Variants in ADAM12 observed in about 807,000 individuals in gnomAD.
ADAM12 encodes ADAM metallopeptidase domain 12.
ADAM12 carries 70 observed loss-of-function variants against 106.4 expected under a neutral mutation model. That is an observed-to-expected ratio of 0.66 (90% confidence interval 0.54 to 0.80). The LOEUF (loss-of-function observed/expected upper bound fraction) is 0.80, where lower values mean the gene tolerates loss of function less well. ADAM12 is among the 30% of genes least tolerant of loss of function. ADAM12 has a pLI of 0.00. For missense variants in ADAM12, 1,010 were observed against 1,171.9 expected, an observed-to-expected ratio of 0.86 and a Z score of 2.02; for synonymous variants, 420 against 433.5, an observed-to-expected ratio of 0.97 and a Z score of 0.39.
chr10:126,047,429 G>A (rs977709031), intron 16 of ADAM12, among the ~76,000 whole-genome samples: 1 of 152,120 alleles, frequency 6.6e-6, no homozygotes, highest in Non-Finnish European at 1.5e-5. Context: ...GAACACAGCA[G>A]GACCCTCATG....
At chr10:126,245,521 C>G (rs539774268) in intron 3 of ADAM12, among the ~76,000 whole-genome samples, 1 of 152,096 alleles carries the variant, frequency 6.6e-6, no homozygotes, top group East Asian at 1.9e-4. Flanking sequence ...GGCAGGAGGT[C>G]GGGGCTAGAG....
At chr10:126,051,496 T>TCCATCCGTCCAGCCAG (rs1954485717) in intron 14 of ADAM12, among the ~76,000 whole-genome samples, 6 of 96,524 alleles carry the variant, frequency 6.2e-5, no homozygotes, top group Admixed American at 1.1e-4. Flanking sequence ...CACCCGTCCA[T>TCCATCCGTCCAGCCAG]CCACCCGTCC....
At chr10:126,334,126 C>T (rs546588034) in intron 1 of ADAM12, among the ~76,000 whole-genome samples, 1 of 152,124 alleles carries the variant, frequency 6.6e-6, no homozygotes, top group East Asian at 1.9e-4. Flanking sequence ...CACGGATAGA[C>T]AGAATAAATT....
chr10:126,060,797 C>A (rs1954738840), intron 14 of ADAM12, among the ~76,000 whole-genome samples: 1 of 152,216 alleles, frequency 6.6e-6, no homozygotes, highest in African/African-American at 2.4e-5. Context: ...CCCTCCAGAT[C>A]CAGGCAGGAG....
intron 1 of ADAM12, among the ~76,000 whole-genome samples, chr10:126,342,915 G>A (rs967445209): frequency 2.6e-5 from 4 of 151,632 alleles, no homozygotes; most frequent in Admixed American, 6.6e-5. Flanking sequence ...TGGAGGGAGG[G>A]TGGAGGGGTG....
rs116083522 is a variant in ADAM12 at position 126,042,307 on chromosome 10, C to T, written c.2104+733G>A. On this transcript the variant is annotated intron_variant, in intron 18 of 22. Coordinates refer to ENST00000448723, the MANE Select transcript of ADAM12 (RefSeq NM_001288973.2). ...CAATAAGAACTCAGAGAAAACAGCACCGCACCAGTAAACCATTTCTAAAGG... is the reference window on the plus strand; with the variant it reads ...CAATAAGAACTCAGAGAAAACAGCATCGCACCAGTAAACCATTTCTAAAGG... 3,630 of 1,574,692 alleles carry T rather than the reference C, an allele frequency of 2.3e-3. 46 individuals carry two copies. The African/African-American group carries it at 0.037, about 16-fold the overall frequency.
chr10:126,100,388 C>T (rs941237166), intron 9 of ADAM12, among the ~76,000 whole-genome samples: 4 of 152,138 alleles, frequency 2.6e-5, no homozygotes, highest in Non-Finnish European at 5.9e-5. Context: ...ACATTTTCCA[C>T]TAATAATGAT....
chr10:126,161,993 C>G (rs1330807978), intron 3 of ADAM12, among the ~76,000 whole-genome samples: 1 of 152,220 alleles, frequency 6.6e-6, no homozygotes, highest in Non-Finnish European at 1.5e-5. Flanking sequence ...TGCATTTTAA[C>G]TGTGCCAGGA....
At chr10:126,044,985 C>A (rs1954276801) in intron 17 of ADAM12, among the ~76,000 whole-genome samples, 1 of 152,140 alleles carries the variant, frequency 6.6e-6, no homozygotes, top group South Asian at 2.1e-4. Context: ...TAGGGTGGGA[C>A]TGTGGCCAAG....
At chr10:126,133,076 T>C (rs1956337248) in intron 5 of ADAM12, among the ~76,000 whole-genome samples, 2 of 152,100 alleles carry the variant, frequency 1.3e-5, no homozygotes, top group Non-Finnish European at 2.9e-5. Context: ...TCCAGAATAT[T>C]CCTCTTACCT....
chr10:126,276,682 C>T (rs1262724733), intron 3 of ADAM12, among the ~76,000 whole-genome samples: 1 of 152,110 alleles, frequency 6.6e-6, no homozygotes, highest in Non-Finnish European at 1.5e-5. Context: ...ATCATAGGAA[C>T]ATATGAAACA....
At chr10:126,137,484 A>G (rs1007471465) in intron 4 of ADAM12, among the ~76,000 whole-genome samples, 13 of 152,238 alleles carry the variant, frequency 8.5e-5, no homozygotes, top group Non-Finnish European at 1.8e-4. Context: ...CCACTAATTG[A>G]TTCTAAAACA....
At chr10:126,204,248 G>A (rs778753243) in intron 3 of ADAM12, among the ~76,000 whole-genome samples, 4 of 152,188 alleles carry the variant, frequency 2.6e-5, no homozygotes, top group East Asian at 3.9e-4. Context: ...AACAAGAAGC[G>A]TAATACAAGG....
At chr10:126,279,022 C>A in intron 2 of ADAM12, 34 bp from the exon 3 acceptor site, 2 of 1,557,048 alleles carry the variant, frequency 1.3e-6, no homozygotes, top group Non-Finnish European at 8.8e-7. Context: ...AGTTGAAAAA[C>A]GCTTGGCTTT....
intron 3 of ADAM12, among the ~76,000 whole-genome samples, chr10:126,264,867 C>T (rs1959067759): frequency 5.3e-5 from 8 of 152,164 alleles, no homozygotes; most frequent in Admixed American, 5.2e-4. Context: ...CTGTTCTCAC[C>T]CCAGCATCTA....
rs765638436 is a variant in ADAM12, at chr10:126,049,481, G to A, written c.1719-30C>T. On this transcript the variant is annotated intron_variant, in intron 15 of 22. Transcript: ENST00000448723. The surrounding 1 kb of genome is among the most constrained non-coding windows in gnomAD (Gnocchi z 4.4). Reference sequence around the variant, plus strand: ...AAGGGTAAGAACAAACAATTCCCAAGGAGAAACCATTTGGAACCAACCCTA... The same window carrying A: ...AAGGGTAAGAACAAACAATTCCCAAAGAGAAACCATTTGGAACCAACCCTA... The A allele has an allele frequency of 3.7e-6, 6 of 1,613,994 alleles. No individual in the cohort carries two copies. The Admixed American group carries it at 6.7e-5, about 18-fold the overall frequency.
At position 126,043,507 on chromosome 10, in the gene ADAM12, A is replaced by C. The variant is rs1954233947; in HGVS notation, c.1996-359T>G. ...AGGAGAAGCCCCCTCAGCAGTGAGG[A>C]GGGACCGTGCTTTGGGGCTACAGAC... On this transcript the variant is annotated intron_variant, in intron 17 of 22. Coordinates refer to ENST00000448723, the MANE Select transcript of ADAM12 (RefSeq NM_001288973.2). This position sits in a 1 kb window ranked among gnomAD's most constrained non-coding sequence, Gnocchi z 4.1. Among the ~76,000 whole-genome samples, 1 of 152,106 alleles carries C rather than the reference A, an allele frequency of 6.6e-6. No homozygotes were observed. The highest frequency in any genetic ancestry group is 1.5e-5 in the Non-Finnish European group (1 of 68,018).
chr10:126,369,327 T>A (rs77597998), intron 1 of ADAM12, among the ~76,000 whole-genome samples: 2,094 of 152,282 alleles, frequency 0.014, 50 homozygotes, highest in African/African-American at 0.046. Flanking sequence ...GAGAATAAGA[T>A]GGATGTGGTC....
intron 1 of ADAM12, among the ~76,000 whole-genome samples, chr10:126,344,021 T>C (rs1206809909): frequency 6.6e-6 from 1 of 152,222 alleles, no homozygotes; most frequent in Non-Finnish European, 1.5e-5. Flanking sequence ...AGCTCTTTAG[T>C]TTAATTAGAT....
Sources: allele counts gnomAD v4.1 joint callset (sites outside exome capture counted in the v4.1 genomes callset), GRCh38; gene constraint gnomAD v4.1.1; non-coding constraint Gnocchi (gnomAD v3.1); transcripts MANE v1.5; gene names NCBI Gene and HGNC (gene_info 2026-07-23, HGNC 2026-07-21).